AGBL4: variants seen among roughly 807,000 people sequenced by gnomAD.
AGBL4 encodes the protein cytosolic carboxypeptidase 6.
A neutral mutation model predicts 66.4 loss-of-function variants in AGBL4; 58 were observed. That is an observed-to-expected ratio of 0.87 (90% CI 0.71 to 1.09). AGBL4 has a LOEUF of 1.09. Ranked by LOEUF, AGBL4 falls within the 50% of genes least tolerant of loss-of-function variation. The pLI, the probability that AGBL4 is intolerant of heterozygous loss-of-function variation, is 0.00. For missense variants in AGBL4, 579 were observed against 631.0 expected (o/e 0.92, Z 0.88); for synonymous variants, 234 against 222.9 (o/e 1.05, Z -0.44).
chr1:49,803,959 G>T (rs990808319), intron 2 of AGBL4, among the ~76,000 whole-genome samples: 20 of 152,172 alleles, frequency 1.3e-4, no homozygotes, highest in Admixed American at 1.0e-3. Context: ...CCTAAGATGT[G>T]TGGTTTAAAT....
intron 1 of AGBL4, among the ~76,000 whole-genome samples, chr1:49,979,217 T>A (rs2148380554): frequency 6.6e-6 from 1 of 150,780 alleles, no homozygotes; most frequent in South Asian, 2.1e-4. Flanking sequence ...ATCCCAGCAC[T>A]TTGGGAGGCC....
At chr1:49,807,800 T>G (rs1402592873) in intron 2 of AGBL4, among the ~76,000 whole-genome samples, 1 of 152,052 alleles carries the variant, frequency 6.6e-6, no homozygotes, top group Non-Finnish European at 1.5e-5. Context: ...GGTGAGGAAT[T>G]TTGGGAGATA....
chr1:49,181,282 C>T (rs768657351), intron 4 of AGBL4, among the ~76,000 whole-genome samples: 2 of 152,176 alleles, frequency 1.3e-5, no homozygotes, highest in Non-Finnish European at 2.9e-5. Context: ...CTCTGTCTCT[C>T]CAAACTCATC....
chr1:49,166,086 A>C (rs1646628829), intron 4 of AGBL4, among the ~76,000 whole-genome samples: 1 of 152,168 alleles, frequency 6.6e-6, no homozygotes, highest in African/African-American at 2.4e-5. Context: ...AGAGCAATTT[A>C]ACATTTAACA....
At chr1:49,931,105 T>C (rs1266530703) in intron 1 of AGBL4, among the ~76,000 whole-genome samples, 1 of 152,202 alleles carries the variant, frequency 6.6e-6, no homozygotes, top group African/African-American at 2.4e-5. Flanking sequence ...TATTTCTACA[T>C]ATCCGCAATG....
chr1:49,913,056 C>A (rs1651015451), intron 1 of AGBL4, among the ~76,000 whole-genome samples: 1 of 152,182 alleles, frequency 6.6e-6, no homozygotes, highest in Non-Finnish European at 1.5e-5. Context: ...TGCTGGCACC[C>A]CAAATCTCAT....
chr1:49,885,517 T>G (rs114576534), intron 1 of AGBL4, among the ~76,000 whole-genome samples: 1,662 of 151,890 alleles, frequency 0.011, 27 homozygotes, highest in African/African-American at 0.038. Context: ...AAAAAAAAAA[T>G]TTCTCAAATA....
At chr1:48,708,722 C>T (rs532145882) in intron 6 of AGBL4, among the ~76,000 whole-genome samples, 4 of 152,188 alleles carry the variant, frequency 2.6e-5, no homozygotes, top group African/African-American at 7.2e-5. Context: ...GGAAGAAAAG[C>T]CTCCAAAATA....
intron 6 of AGBL4, among the ~76,000 whole-genome samples, chr1:48,724,442 G>A (rs1171652786): frequency 6.6e-6 from 1 of 152,154 alleles, no homozygotes; most frequent in Admixed American, 6.5e-5. Context: ...TAAGGCTTGG[G>A]CAGCTGACCA....
intron 1 of AGBL4, among the ~76,000 whole-genome samples, chr1:49,893,475 G>A (rs1648857451): frequency 6.6e-6 from 1 of 152,158 alleles, no homozygotes; most frequent in South Asian, 2.1e-4. Context: ...CCAGTCCTGG[G>A]CCAGAAGGTA....
intron 5 of AGBL4, among the ~76,000 whole-genome samples, chr1:48,979,451 A>C (rs1026105333): frequency 1.4e-4 from 22 of 152,180 alleles, no homozygotes; most frequent in African/African-American, 5.1e-4. Context: ...ACATTGATGA[A>C]AAAAATCACA....
In AGBL4 at chr1:48,588,131, C is replaced by T. The variant is rs76700433; in HGVS notation, c.1105-965G>A. 6.5e-4 allele frequency among the ~76,000 whole-genome samples: 99 copies of T among 152,184 alleles called. 2 individuals are homozygous for T. In the East Asian group the frequency reaches 0.016, roughly 25 times the overall value. On this transcript the variant is annotated intron_variant, in intron 10 of 13. Coordinates refer to ENST00000371839, the MANE Select transcript of AGBL4 (RefSeq NM_032785.4). ...TATAGATGAGGAATATGAGATTGCTCATAGAGGTGGAGCAAGTAAGTGATA... is the reference window on the plus strand; with the variant it reads ...TATAGATGAGGAATATGAGATTGCTTATAGAGGTGGAGCAAGTAAGTGATA...
intron 3 of AGBL4, among the ~76,000 whole-genome samples, chr1:49,279,510 T>C (rs951793934): frequency 1.3e-5 from 2 of 151,956 alleles, no homozygotes; most frequent in South Asian, 2.1e-4. Context: ...TCTTTGGGCA[T>C]GGTATGGGGC....
rs11488179 is a variant in AGBL4, at chr1:49,771,628, C to T, written c.158-74191G>A. Among the ~76,000 whole-genome samples, 668 of 151,948 alleles carry T rather than the reference C, an allele frequency of 4.4e-3. 9 individuals are homozygous for T. The highest frequency in any genetic ancestry group is 0.015 in the African/African-American group (626 of 41,476). On this transcript the variant is annotated intron_variant, in intron 2 of 13. Transcript: ENST00000371839. ...TTACAATTATTGTATTGCAGACTAT[C>T]TTTTCCTTTAGATCTAATAATCTTT...
intron 3 of AGBL4, among the ~76,000 whole-genome samples, chr1:49,649,639 T>C (rs1255402501): frequency 6.6e-6 from 1 of 152,106 alleles, no homozygotes; most frequent in African/African-American, 2.4e-5. Flanking sequence ...ATAATCACCA[T>C]CAATATAATG....
chr1:49,595,338 C>G (rs1644832132), intron 3 of AGBL4, among the ~76,000 whole-genome samples: 1 of 152,146 alleles, frequency 6.6e-6, no homozygotes, highest in African/African-American at 2.4e-5. Flanking sequence ...ATCTGCCTGT[C>G]TCGGCCTCCC....
chr1:49,888,851 T>C (rs1002304995), intron 1 of AGBL4, among the ~76,000 whole-genome samples: 1 of 152,200 alleles, frequency 6.6e-6, no homozygotes. Context: ...CAAGATGGCC[T>C]CGTAGTATCC....
chr1:49,202,936 T>G (rs1432511568), intron 4 of AGBL4, among the ~76,000 whole-genome samples: 1 of 151,492 alleles, frequency 6.6e-6, no homozygotes, highest in East Asian at 1.9e-4. Context: ...GATTTTAAAA[T>G]GGGAAAAAGA....
intron 2 of AGBL4, among the ~76,000 whole-genome samples, chr1:49,715,207 CAT>C (rs1238001743): frequency 6.6e-6 from 1 of 152,056 alleles, no homozygotes; most frequent in Admixed American, 6.6e-5. Flanking sequence ...TGAGTGAGAA[CAT>C]GTGGTGTTTG....
Sources: gnomAD v4.1 joint callset for allele counts (sites outside exome capture counted in the v4.1 genomes callset) on GRCh38, gnomAD v4.1.1 for gene constraint, MANE v1.5 for transcripts, NCBI Gene and HGNC (gene_info 2026-07-23, HGNC 2026-07-21) for gene names.